LEMD3: variants seen among roughly 807,000 people sequenced by gnomAD.
LEMD3 encodes LEM domain containing 3.
In LEMD3, 33 loss-of-function variants were observed where a neutral mutation model predicts 95.2. The ratio of observed to expected loss-of-function variants is 0.35; its 90% CI spans 0.26 to 0.46. The LOEUF is 0.46. Ranked by LOEUF, LEMD3 falls within the 20% of genes least tolerant of loss-of-function variation. LEMD3 has a pLI of 1.00. For missense variants in LEMD3, 1,210 were observed against 1,192.8 expected (o/e 1.01, Z -0.21); for synonymous variants, 525 against 474.6 (o/e 1.11, Z -1.38).
intron 1 of LEMD3, among the ~76,000 whole-genome samples, chr12:65,209,212 A>G (rs146283402): frequency 9.9e-4 from 150 of 152,278 alleles, no homozygotes; most frequent in Non-Finnish European, 1.9e-3. Flanking sequence ...AACATTGATA[A>G]TTTACAGTTA....
At chr12:65,226,667 A>G (rs1870456853) in intron 4 of LEMD3, among the ~76,000 whole-genome samples, 1 of 152,180 alleles carries the variant, frequency 6.6e-6, no homozygotes, top group Admixed American at 6.5e-5. Flanking sequence ...TAATAAGGAG[A>G]TTATATCTGG....
intron 4 of LEMD3, among the ~76,000 whole-genome samples, chr12:65,232,105 T>C (rs1294926603): frequency 6.6e-6 from 1 of 152,156 alleles, no homozygotes; most frequent in Non-Finnish European, 1.5e-5. Flanking sequence ...AAAATGCTTT[T>C]GATATATGTT....
intron 2 of LEMD3, among the ~76,000 whole-genome samples, chr12:65,212,959 T>C (rs1412776414): frequency 5.3e-5 from 8 of 152,342 alleles, no homozygotes; most frequent in African/African-American, 1.9e-4. Flanking sequence ...GCTAGTTTAG[T>C]GTACTTGTAC....
chr12:65,188,642 C>T (rs973408688), intron 1 of LEMD3, among the ~76,000 whole-genome samples: 10 of 152,156 alleles, frequency 6.6e-5, no homozygotes, highest in African/African-American at 2.2e-4. Flanking sequence ...CTTGCTTTAA[C>T]AATTTTCTCC....
At chr12:65,199,808 A>T (rs1310948780) in intron 1 of LEMD3, among the ~76,000 whole-genome samples, 2 of 152,108 alleles carry the variant, frequency 1.3e-5, no homozygotes, top group African/African-American at 4.8e-5. Context: ...TTAATGGATC[A>T]TGTGGGAAGA....
intron 1 of LEMD3, among the ~76,000 whole-genome samples, chr12:65,203,564 T>G (rs952041446): frequency 6.6e-6 from 1 of 152,162 alleles, no homozygotes; most frequent in Admixed American, 6.6e-5. Flanking sequence ...CAGAATGTGG[T>G]CTGTCTTGGT....
intron 10 of LEMD3, chr12:65,245,458 C>T (rs949531074): frequency 2.6e-5 from 14 of 535,916 alleles, no homozygotes; most frequent in Non-Finnish European, 3.0e-5. Flanking sequence ...CACTCTTTTA[C>T]TGGAAAGTGG....
chr12:65,197,790 T>A (rs1168172591), intron 1 of LEMD3, among the ~76,000 whole-genome samples: 1 of 152,148 alleles, frequency 6.6e-6, no homozygotes, highest in Non-Finnish European at 1.5e-5. Context: ...TTTCCTTTTT[T>A]ATCAGACCTC....
At chr12:65,173,840 ATGTAT>A (rs1011416081) in intron 1 of LEMD3, among the ~76,000 whole-genome samples, 3 of 152,196 alleles carry the variant, frequency 2.0e-5, no homozygotes, top group Non-Finnish European at 2.9e-5. Context: ...GATACACTTG[ATGTAT>A]TGTATGTCTA....
intron 4 of LEMD3, among the ~76,000 whole-genome samples, chr12:65,224,178 A>G (rs901484568): frequency 2.6e-5 from 4 of 152,268 alleles, no homozygotes; most frequent in African/African-American, 9.6e-5. Flanking sequence ...GATTTTGTCT[A>G]TATATTTACC....
chr12:65,182,428 G>T (rs1004680855), intron 1 of LEMD3, among the ~76,000 whole-genome samples: 1 of 152,216 alleles, frequency 6.6e-6, no homozygotes, highest in Non-Finnish European at 1.5e-5. Context: ...AGCTATAGTA[G>T]TTTAAGCAAC....
Position 65,170,352 on chromosome 12 carries a change from C to T in LEMD3, c.756C>T (p.Tyr252=), listed in dbSNP as rs1464357636. The T allele has an allele frequency of 6.2e-7, 1 of 1,610,134 alleles. No individual in the cohort carries two copies. The highest frequency in any genetic ancestry group is 1.7e-5 in the Admixed American group (1 of 59,454). The change falls in exon 1 of 13, where the codon TAC becomes TAT. Residue 252 remains tyrosine (Y), a synonymous_variant. Coordinates refer to ENST00000308330, the MANE Select transcript of LEMD3 (RefSeq NM_014319.5). The stretch of plus-strand genomic sequence containing the variant: ...TGAATGGCAGCCGGCTTGTCCCCTA[C>T]AGCTGCCGGGAAAACTATTCGGACT... ...RTVNGSRLVP[Y]SCRENYSDSE...
chr12:65,177,382 CAGAT>C (rs1565778871), intron 1 of LEMD3, among the ~76,000 whole-genome samples: 2 of 152,106 alleles, frequency 1.3e-5, no homozygotes, highest in Admixed American at 6.5e-5. Context: ...GAATAAGAGA[CAGAT>C]AGGAGTCAAA....
intron 2 of LEMD3, 130 bp downstream of exon 2, chr12:65,211,093 T>TA (rs1019872169): frequency 2.9e-6 from 2 of 700,502 alleles, no homozygotes; most frequent in East Asian, 2.7e-5. Context: ...TTTATCAACT[T>TA]AAAAAAATAG....
At position 65,238,588 on chromosome 12, in the gene LEMD3, G is replaced by C; in HGVS notation, c.1775+7G>C. The C allele has an allele frequency of 6.2e-7, 1 of 1,611,534 alleles. No individual in the cohort carries two copies. Among genetic ancestry groups the C allele is most frequent in the South Asian group, 1.1e-5 (1 of 91,020 alleles). ...GAAAAGATGTTGGAATAAGGTAAAG[G>C]ATCTGATTTCCACTTTGACCATTCT... On this transcript the variant is annotated splice_region_variant and intron_variant, in intron 5 of 12. Transcript: ENST00000308330.
intron 4 of LEMD3, among the ~76,000 whole-genome samples, chr12:65,223,585 C>T (rs1870358721): frequency 6.6e-6 from 1 of 151,914 alleles, no homozygotes; most frequent in Non-Finnish European, 1.5e-5. Context: ...CATGGAATAT[C>T]TTTTTCCATC....
At chr12:65,241,651 G>A (rs1870942528) in intron 9 of LEMD3, among the ~76,000 whole-genome samples, 1 of 152,016 alleles carries the variant, frequency 6.6e-6, no homozygotes, top group Non-Finnish European at 1.5e-5. Flanking sequence ...TTGAAGATTG[G>A]CTGTCATATG....
intron 4 of LEMD3, among the ~76,000 whole-genome samples, chr12:65,230,157 T>G (rs1260045719): frequency 1.3e-5 from 2 of 152,176 alleles, no homozygotes; most frequent in Non-Finnish European, 2.9e-5. Context: ...GTTCCAGTGG[T>G]CTGTGTGTCT....
intron 3 of LEMD3, among the ~76,000 whole-genome samples, chr12:65,217,904 A>T (rs565355571): frequency 3.4e-4 from 51 of 152,008 alleles, no homozygotes; most frequent in Admixed American, 1.3e-4. Flanking sequence ...TGCAGCTTCA[A>T]ATTTATGGAG....
Sources: allele counts gnomAD v4.1 joint callset (sites outside exome capture counted in the v4.1 genomes callset), GRCh38; gene constraint gnomAD v4.1.1; transcripts MANE v1.5; gene names NCBI Gene and HGNC (gene_info 2026-07-23, HGNC 2026-07-21).